Variants in UGP2 observed in about 807,000 individuals in gnomAD.
UGP2 encodes UDP-glucose pyrophosphorylase 2, also known as UTP--glucose-1-phosphate uridylyltransferase.
In UGP2, 40 loss-of-function variants were observed where a neutral mutation model predicts 49.0. The observed-to-expected ratio is 0.82, with a 90% CI of 0.63 to 1.06. The LOEUF (loss-of-function observed/expected upper bound fraction) is 1.06. Among genes scored for constraint, UGP2 ranks in the 50% least tolerant of loss-of-function variants. The pLI is 0.00. For synonymous variants in UGP2, 225 were observed against 213.0 expected (o/e 1.06, Z -0.49); for missense variants, 460 against 603.5 (o/e 0.76, Z 2.49).
At chr2:63,883,731 A>G (rs1671471527) in intron 4 of UGP2, among the ~76,000 whole-genome samples, 1 of 152,236 alleles carries the variant, frequency 6.6e-6, no homozygotes, top group African/African-American at 2.4e-5. Flanking sequence ...CGTAAAATGC[A>G]GACAGTAGTT....
At chr2:63,880,509 A>G (rs1317017540) in intron 3 of UGP2, among the ~76,000 whole-genome samples, 1 of 152,138 alleles carries the variant, frequency 6.6e-6, no homozygotes, top group Non-Finnish European at 1.5e-5. Flanking sequence ...AGAAAAGATT[A>G]TAAGCTACCC....
intron 1 of UGP2, among the ~76,000 whole-genome samples, chr2:63,850,879 G>A (rs1331281518): frequency 2.0e-5 from 3 of 152,124 alleles, no homozygotes; most frequent in African/African-American, 7.2e-5. Context: ...AGCATAGCTG[G>A]ATCATAATAG....
chr2:63,868,740 A>C (rs963662335), intron 3 of UGP2, among the ~76,000 whole-genome samples: 1 of 152,064 alleles, frequency 6.6e-6, no homozygotes, highest in African/African-American at 2.4e-5. Flanking sequence ...GCACTTTGGG[A>C]AGCTGAGGCG....
At chr2:63,845,440 C>T (rs1362621321) in intron 1 of UGP2, among the ~76,000 whole-genome samples, 2 of 147,706 alleles carry the variant, frequency 1.4e-5, no homozygotes, top group Non-Finnish European at 3.0e-5. Context: ...ATCAACAGAA[C>T]TAAAAGAAAA....
intron 1 of UGP2, among the ~76,000 whole-genome samples, chr2:63,844,370 T>G (rs1671785012): frequency 6.6e-6 from 1 of 152,240 alleles, no homozygotes; most frequent in Non-Finnish European, 1.5e-5. Flanking sequence ...ATATTTCCAA[T>G]CACTGGCACT....
chr2:63,882,753 C>T (rs1182856265), intron 4 of UGP2, 102 bp downstream of exon 4: 3 of 1,237,012 alleles, frequency 2.4e-6, no homozygotes, highest in South Asian at 2.3e-5. Flanking sequence ...TTGAGCTAAC[C>T]AAAGAGCCTG....
At chr2:63,855,520 G>GTTTTTTTTTTTTTTTTTTTTTCTTTT (rs1669342591) in intron 1 of UGP2, 6 of 194,310 alleles carry the variant, frequency 3.1e-5, no homozygotes, top group Non-Finnish European at 4.9e-5. Flanking sequence ...TTCTTTTTCT[G>GTTTTTTTTTTTTTTTTTTTTTCTTTT]TTTTTTTTTT....
At chr2:63,865,144 C>T (rs547356789) in intron 3 of UGP2, among the ~76,000 whole-genome samples, 1 of 152,166 alleles carries the variant, frequency 6.6e-6, no homozygotes, top group Non-Finnish European at 1.5e-5. Context: ...ATCAAATACC[C>T]ACTGTTTTAT....
intron 3 of UGP2, among the ~76,000 whole-genome samples, chr2:63,869,191 G>T (rs1670378454): frequency 6.6e-6 from 1 of 152,100 alleles, no homozygotes; most frequent in Admixed American, 6.6e-5. Flanking sequence ...AAAGAAAGAT[G>T]AACAGAGAAT....
At chr2:63,847,331 C>T (rs1222383828) in intron 1 of UGP2, among the ~76,000 whole-genome samples, 2 of 152,154 alleles carry the variant, frequency 1.3e-5, no homozygotes, top group African/African-American at 4.8e-5. Flanking sequence ...TGAATTATAG[C>T]AAGTTTAATT....
At chr2:63,864,023 G>A (rs1435461828) in intron 3 of UGP2, among the ~76,000 whole-genome samples, 3 of 152,032 alleles carry the variant, frequency 2.0e-5, no homozygotes, top group African/African-American at 7.2e-5. Flanking sequence ...CATTTCAAAG[G>A]GTTTTTTGGT....
At chr2:63,878,794 G>C (rs1671100649) in intron 3 of UGP2, among the ~76,000 whole-genome samples, 1 of 152,114 alleles carries the variant, frequency 6.6e-6, no homozygotes, top group African/African-American at 2.4e-5. Flanking sequence ...TCAAACTCCT[G>C]GGCTTAAGTG....
chr2:63,847,030 C>G (rs1056618875), intron 1 of UGP2, among the ~76,000 whole-genome samples: 10 of 152,066 alleles, frequency 6.6e-5, no homozygotes, highest in Admixed American at 5.9e-4. Context: ...ACCTTGTAAT[C>G]TCTGTGGTTA....
rs761670530 is a variant in UGP2 at position 63,857,758 on chromosome 2, G to T, written c.148-71G>T. ...TAACGATATTTTAAATGTGTAACTT[G>T]TATCTGTCTTTATGTTTTTATTAAA... On this transcript the variant is annotated intron_variant, in intron 2 of 9. Coordinates refer to ENST00000337130, the MANE Select transcript of UGP2 (RefSeq NM_006759.4). The T allele has an allele frequency of 5.7e-6, 8 of 1,410,060 alleles. No individual in the cohort carries two copies. The Admixed American group carries it at 1.3e-4, about 23-fold the overall frequency. 87.3% of individuals were successfully genotyped at this position (1,410,060 alleles called of 1,614,324 possible).
At position 63,885,896 on chromosome 2, in the gene UGP2, G is replaced by A. The variant is rs768146667; in HGVS notation, c.873+10G>A. The A allele has an allele frequency of 7.1e-6, 11 of 1,545,760 alleles. No individual in the cohort carries two copies. The highest frequency in any genetic ancestry group is 6.4e-5 in the Admixed American group (3 of 47,000). Reference sequence around the variant, plus strand: ...ACGTGCAGATGTAAAGGTAAATACCGAGAGGAAGCAGTTTAGGGCTTCATG... The same window carrying A: ...ACGTGCAGATGTAAAGGTAAATACCAAGAGGAAGCAGTTTAGGGCTTCATG... On this transcript the variant is annotated intron_variant, in intron 6 of 9. Coordinates refer to ENST00000337130, the MANE Select transcript of UGP2 (RefSeq NM_006759.4).
rs527937828 is a variant in UGP2 at position 63,856,423 on chromosome 2, A to G, written c.137A>G (p.His46Arg). 2 of 1,611,954 alleles carry G rather than the reference A, an allele frequency of 1.2e-6. No individual in the cohort carries two copies. Among genetic ancestry groups the G allele is most frequent in the South Asian group, 1.1e-5 (1 of 91,028 alleles). Reference protein sequence around the residue: ...LEKILTTASSHEFEHTKKDLD... With the variant: ...LEKILTTASSREFEHTKKDLD... ...AAAATACTCACCACAGCATCATCACATGAATTTGAGGTAAGGAGGTTTCTA... is the reference window on the plus strand; with the variant it reads ...AAAATACTCACCACAGCATCATCACGTGAATTTGAGGTAAGGAGGTTTCTA... Residue 46 changes from histidine to arginine, a missense_variant, in exon 2 of 10, where the codon CAT becomes CGT. Around this residue, in one of 2 missense-constraint regions of UGP2, gnomAD observed 143 missense variants for 130.4 expected, o/e 1.10. Transcript: ENST00000337130.
In UGP2 at chr2:63,860,391, A is replaced by G. The variant is rs573229454; in HGVS notation, c.255+2455A>G. On this transcript the variant is annotated intron_variant, in intron 3 of 9. Coordinates refer to ENST00000337130, the MANE Select transcript of UGP2 (RefSeq NM_006759.4). Reference sequence around the variant, plus strand: ...TGTCTATAACTGCTTTTTTGCAACAATGGCAGAGTTGAATAGTTGGAGTGG... The same window carrying G: ...TGTCTATAACTGCTTTTTTGCAACAGTGGCAGAGTTGAATAGTTGGAGTGG... Among the ~76,000 whole-genome samples, 3 of 152,316 alleles carry G rather than the reference A, an allele frequency of 2.0e-5. No homozygotes were observed. The South Asian group carries it at 6.2e-4, about 32-fold the overall frequency.
Position 63,882,464 on chromosome 2 carries a change from A to C in UGP2, c.256-2A>C. The C allele has an allele frequency of 6.4e-7, 1 of 1,560,258 alleles. No individual in the cohort carries two copies. Among genetic ancestry groups the C allele is most frequent in the South Asian group, 1.2e-5 (1 of 82,410 alleles). On this transcript the variant is annotated splice_acceptor_variant, in intron 3 of 9. Transcript: ENST00000337130. LOFTEE classifies it high-confidence loss of function. ...ACTCCTATAATGTTATTTTTCTTTC[A>C]GATTCAACCCTATGAAAAGATAAAG...
Position 63,887,477 on chromosome 2 carries a change from C to T in UGP2, c.1147C>T (p.Leu383=), listed in dbSNP as rs1304608094. The part of the protein sequence containing the change: ...GAAIKSFENS[L]GINVPRSRFL... ...TGCCATCAAAAGTTTTGAGAATTCT[C>T]TAGGTATTAATGTGCCAAGGAGCCG... is the stretch of plus-strand genomic sequence containing the variant. The change falls in exon 8 of 10, where the codon CTA becomes TTA. Residue 383 remains leucine, a synonymous_variant. Transcript: ENST00000337130. 1.2e-6 allele frequency: 2 copies of T among 1,613,970 alleles called. No individual in the cohort carries two copies. The highest frequency in any genetic ancestry group is 1.7e-5 in the Admixed American group (1 of 59,990).
Sources: allele counts gnomAD v4.1 joint callset (sites outside exome capture counted in the v4.1 genomes callset), GRCh38; gene constraint gnomAD v4.1.1; regional missense constraint gnomAD v4.1.1; transcripts MANE v1.5; gene names NCBI Gene and HGNC (gene_info 2026-07-23, HGNC 2026-07-21).